UBE2H: variants seen among roughly 807,000 people sequenced by gnomAD.
The protein encoded by UBE2H is ubiquitin-conjugating enzyme E2 H.
In UBE2H, 3 loss-of-function variants were observed where a neutral mutation model predicts 29.0. The observed-to-expected ratio is 0.10, with a 90% CI of 0.05 to 0.27. The LOEUF (loss-of-function observed/expected upper bound fraction) is 0.27. UBE2H is among the 10% of genes least tolerant of loss of function. UBE2H has a pLI of 1.00. For synonymous variants in UBE2H, 69 were observed against 82.9 expected, an observed-to-expected ratio of 0.83 and a Z score of 0.91; for missense variants, 68 against 228.2, an observed-to-expected ratio of 0.30 and a Z score of 4.52.
At chr7:129,888,336 A>G (rs1806404675) in intron 1 of UBE2H, among the ~76,000 whole-genome samples, 1 of 152,250 alleles carries the variant, frequency 6.6e-6, no homozygotes, top group Non-Finnish European at 1.5e-5. Context: ...GTGGGCTGCT[A>G]TCAGTGATGA....
At chr7:129,913,513 C>T (rs527638675) in intron 1 of UBE2H, among the ~76,000 whole-genome samples, 1 of 152,290 alleles carries the variant, frequency 6.6e-6, no homozygotes, top group South Asian at 2.1e-4. Context: ...CCACTGCCAT[C>T]ATTTTCTGAA....
At chr7:129,941,493 C>T (rs1387018295) in intron 1 of UBE2H, among the ~76,000 whole-genome samples, 3 of 152,140 alleles carry the variant, frequency 2.0e-5, no homozygotes, top group African/African-American at 7.2e-5. Context: ...CCAAAACAGT[C>T]TACTCACCAA....
At chr7:129,871,907 C>T (rs767717367) in intron 3 of UBE2H, among the ~76,000 whole-genome samples, 5 of 152,054 alleles carry the variant, frequency 3.3e-5, no homozygotes, top group Non-Finnish European at 5.9e-5. Flanking sequence ...AGTGTAGCAG[C>T]GCCATCTCAG....
chr7:129,866,865 T>A (rs12537660), intron 3 of UBE2H, among the ~76,000 whole-genome samples: 9,426 of 152,004 alleles, frequency 0.062, 365 homozygotes, highest in Non-Finnish European at 0.092. Flanking sequence ...TAAATAATGG[T>A]ATCTACACAT....
intron 3 of UBE2H, among the ~76,000 whole-genome samples, chr7:129,867,718 G>T (rs200091709): frequency 3.1e-4 from 6 of 19,646 alleles, no homozygotes; most frequent in South Asian, 5.4e-3. Flanking sequence ...AAAAAAAAAA[G>T]AAAACCAAAA....
intron 5 of UBE2H, among the ~76,000 whole-genome samples, chr7:129,841,574 G>A (rs140357680): frequency 8.5e-4 from 130 of 152,322 alleles, no homozygotes; most frequent in African/African-American, 3.0e-3. Flanking sequence ...CACATGGCTA[G>A]TAGATCCTGT....
At chr7:129,858,679 A>T (rs993078074) in intron 4 of UBE2H, among the ~76,000 whole-genome samples, 1 of 152,168 alleles carries the variant, frequency 6.6e-6, no homozygotes, top group Non-Finnish European at 1.5e-5. Flanking sequence ...AAAATGAAGG[A>T]CCCAGTCACG....
chr7:129,837,758 G>A (rs1035624688), intron 6 of UBE2H, among the ~76,000 whole-genome samples: 1 of 152,180 alleles, frequency 6.6e-6, no homozygotes, highest in African/African-American at 2.4e-5. Flanking sequence ...AGGCACAGTA[G>A]GAAGTGGGGG....
At chr7:129,935,243 G>GT (rs908520690) in intron 1 of UBE2H, among the ~76,000 whole-genome samples, 1 of 151,534 alleles carries the variant, frequency 6.6e-6, no homozygotes, top group Non-Finnish European at 1.5e-5. Flanking sequence ...GTGAAACCCT[G>GT]TATCTACTAA....
intron 1 of UBE2H, among the ~76,000 whole-genome samples, chr7:129,934,809 G>A (rs1186761106): frequency 2.0e-5 from 3 of 149,528 alleles, no homozygotes; most frequent in Non-Finnish European, 4.5e-5. Context: ...GGCTCACCCT[G>A]TAATCCCAGC....
intron 4 of UBE2H, among the ~76,000 whole-genome samples, chr7:129,857,953 A>C (rs190108939): frequency 6.6e-6 from 1 of 152,344 alleles, no homozygotes; most frequent in Admixed American, 6.5e-5. Flanking sequence ...ACACAAATTG[A>C]GGAACAATCT....
At chr7:129,852,142 C>G (rs1213786717) in intron 5 of UBE2H, among the ~76,000 whole-genome samples, 3 of 152,154 alleles carry the variant, frequency 2.0e-5, no homozygotes, top group Admixed American at 6.5e-5. Context: ...ACATGTATTT[C>G]TTATCTGTGT....
intron 3 of UBE2H, among the ~76,000 whole-genome samples, chr7:129,866,811 C>T (rs936885126): frequency 6.6e-6 from 1 of 152,328 alleles, no homozygotes. Flanking sequence ...GGGCAATCTA[C>T]TTCATCTCTT....
intron 1 of UBE2H, among the ~76,000 whole-genome samples, chr7:129,902,760 G>C (rs1297572303): frequency 6.6e-6 from 1 of 152,174 alleles, no homozygotes; most frequent in Non-Finnish European, 1.5e-5. Context: ...CAAGTGAAAT[G>C]ATCTCTAAGC....
intron 5 of UBE2H, among the ~76,000 whole-genome samples, chr7:129,844,940 C>A (rs1805486920): frequency 6.6e-6 from 1 of 152,140 alleles, no homozygotes; most frequent in Non-Finnish European, 1.5e-5. Flanking sequence ...ACCAGCCTGG[C>A]CAACGTGGCA....
Position 129,834,894 on chromosome 7 carries a change from G to A in UBE2H, c.*43C>T. On this transcript the variant is annotated 3_prime_UTR_variant, in exon 7 of 7. Coordinates refer to ENST00000355621, the MANE Select transcript of UBE2H (RefSeq NM_003344.4). The stretch of plus-strand genomic sequence containing the variant: ...TGAATATTATAGTCTGCTTCTCATG[G>A]TTAGGAAATAATAGTCTTTCTGAAA... The A allele has an allele frequency of 6.2e-7, 1 of 1,608,550 alleles. No homozygotes were observed. The highest frequency in any genetic ancestry group is 8.5e-7 in the Non-Finnish European group (1 of 1,178,366).
At chr7:129,891,812 A>AC (rs1491008968) in intron 1 of UBE2H, among the ~76,000 whole-genome samples, 1 of 4,844 alleles carries the variant, frequency 2.1e-4, no homozygotes, top group Non-Finnish European at 1.0e-3. Flanking sequence ...AACAAAAACA[A>AC]AAAAAAAAAA....
At chr7:129,918,236 G>A (rs1417771231) in intron 1 of UBE2H, among the ~76,000 whole-genome samples, 1 of 152,090 alleles carries the variant, frequency 6.6e-6, no homozygotes, top group Non-Finnish European at 1.5e-5. Flanking sequence ...ATTAACAGGA[G>A]GCACTCCAGC....
chr7:129,859,469 CA>C (rs1805761926), intron 3 of UBE2H, among the ~76,000 whole-genome samples: 1 of 152,066 alleles, frequency 6.6e-6, no homozygotes, highest in Non-Finnish European at 1.5e-5. Flanking sequence ...AAGCAGTGAC[CA>C]AAATATTTCC....
Sources: allele counts gnomAD v4.1 joint callset (sites outside exome capture counted in the v4.1 genomes callset), GRCh38; gene constraint gnomAD v4.1.1; transcripts MANE v1.5; gene names NCBI Gene and HGNC (gene_info 2026-07-23, HGNC 2026-07-21).